The following CSTPP1 variants were observed in gnomAD, a reference collection of about 807,000 sequenced individuals.
CSTPP1 encodes UPF0705 protein C11orf49.
chr11:46,939,697 C>T, the CSTPP1 span, among the ~76,000 whole-genome samples: 2 of 151,768 alleles, frequency 1.3e-5, no homozygotes, highest in African/African-American at 4.8e-5. Flanking sequence ...TAGTGAAAAG[C>T]CTACCCCTTT....
chr11:47,049,084 C>G, the CSTPP1 span, among the ~76,000 whole-genome samples: 1 of 151,952 alleles, frequency 6.6e-6, no homozygotes, highest in African/African-American at 2.4e-5. Flanking sequence ...CTCCTAGGCT[C>G]CAGCAGTCCT....
the CSTPP1 span, chr11:47,164,263 C>T: frequency 3.4e-4 from 541 of 1,608,518 alleles, 11 homozygotes; most frequent in South Asian, 5.5e-3. Context: ...GGCCAGGGGC[C>T]GGCACTGGGC....
the CSTPP1 span, among the ~76,000 whole-genome samples, chr11:46,946,195 T>C: frequency 6.6e-6 from 1 of 152,250 alleles, no homozygotes; most frequent in African/African-American, 2.4e-5. Context: ...GGTTTTAAGA[T>C]AGCTTTAAAA....
chr11:47,044,660 C>T, the CSTPP1 span, among the ~76,000 whole-genome samples: 1 of 152,136 alleles, frequency 6.6e-6, no homozygotes, highest in African/African-American at 2.4e-5. Flanking sequence ...CAGTGACTCA[C>T]ATCTATAATT....
the CSTPP1 span, among the ~76,000 whole-genome samples, chr11:46,989,722 G>A: frequency 3.3e-5 from 5 of 151,714 alleles, no homozygotes; most frequent in African/African-American, 9.7e-5. Flanking sequence ...ACATGTGCAG[G>A]TTTGTTACAT....
At chr11:47,073,375 C>T in the CSTPP1 span, among the ~76,000 whole-genome samples, 2 of 152,052 alleles carry the variant, frequency 1.3e-5, no homozygotes, top group Non-Finnish European at 2.9e-5. Context: ...AGAGGAAGCT[C>T]TCAATGGAAG....
At chr11:47,034,319 T>A in the CSTPP1 span, among the ~76,000 whole-genome samples, 2 of 152,086 alleles carry the variant, frequency 1.3e-5, no homozygotes, top group African/African-American at 4.8e-5. Context: ...AGGGCAGTCC[T>A]AATCATAAAC....
the CSTPP1 span, among the ~76,000 whole-genome samples, chr11:47,073,396 T>A: frequency 6.6e-6 from 1 of 152,118 alleles, no homozygotes; most frequent in African/African-American, 2.4e-5. Flanking sequence ...GAAGCTTTCA[T>A]CGAAAATGAA....
At chr11:47,055,618 T>C in the CSTPP1 span, among the ~76,000 whole-genome samples, 2 of 152,328 alleles carry the variant, frequency 1.3e-5, no homozygotes, top group South Asian at 4.1e-4. Context: ...TGGGTATTAT[T>C]GTGCCCATTT....
the CSTPP1 span, among the ~76,000 whole-genome samples, chr11:46,988,638 AG>A: frequency 6.6e-5 from 10 of 152,144 alleles, no homozygotes; most frequent in Non-Finnish European, 1.5e-4. Context: ...AGAATGAAAA[AG>A]ACCTGCTATT....
At chr11:46,997,682 C>T in the CSTPP1 span, among the ~76,000 whole-genome samples, 3 of 152,202 alleles carry the variant, frequency 2.0e-5, no homozygotes, top group Non-Finnish European at 4.4e-5. Flanking sequence ...TTCTCCCCAT[C>T]TTTGTGGTTT....
the CSTPP1 span, chr11:47,159,774 GGC>G: frequency 2.2e-6 from 1 of 451,966 alleles, no homozygotes; most frequent in Non-Finnish European, 4.5e-6. Context: ...GGGAGGCCGA[GGC>G]GGCGGATCAC....
the CSTPP1 span, among the ~76,000 whole-genome samples, chr11:46,971,558 T>A: frequency 6.6e-6 from 1 of 152,348 alleles, no homozygotes; most frequent in Non-Finnish European, 1.5e-5. Context: ...ATAGCCACAT[T>A]ATTTTAAGCA....
the CSTPP1 span, among the ~76,000 whole-genome samples, chr11:46,977,077 A>C: frequency 6.6e-6 from 1 of 152,214 alleles, no homozygotes; most frequent in Non-Finnish European, 1.5e-5. Context: ...GCTCTTTCCC[A>C]TGCAGATTTG....
chr11:47,003,641 A>G, the CSTPP1 span, among the ~76,000 whole-genome samples: 2 of 152,200 alleles, frequency 1.3e-5, no homozygotes, highest in Admixed American at 6.5e-5. Flanking sequence ...CAACTATCAG[A>G]TGCAATGCTA....
chr11:47,112,286 T>C, the CSTPP1 span, among the ~76,000 whole-genome samples: 1 of 151,798 alleles, frequency 6.6e-6, no homozygotes, highest in South Asian at 2.1e-4. Flanking sequence ...TCTCTTAATT[T>C]GCCTCAGTTA....
the CSTPP1 span, among the ~76,000 whole-genome samples, chr11:47,126,298 G>T: frequency 6.6e-6 from 1 of 152,038 alleles, no homozygotes; most frequent in Non-Finnish European, 1.5e-5. Context: ...GAAAGAGATG[G>T]AATAGCTAGT....
the CSTPP1 span, among the ~76,000 whole-genome samples, chr11:47,083,048 C>A: frequency 1.3e-5 from 2 of 151,978 alleles, no homozygotes; most frequent in African/African-American, 2.4e-5. Flanking sequence ...CCTCACCCCC[C>A]AACAGGCCCC....
chr11:47,031,556 G>T, the CSTPP1 span, among the ~76,000 whole-genome samples: 1 of 152,116 alleles, frequency 6.6e-6, no homozygotes, highest in Non-Finnish European at 1.5e-5. Flanking sequence ...AAATTAGCCA[G>T]GCATGGTAGC....
Sources: gnomAD v4.1 joint callset for allele counts (sites outside exome capture counted in the v4.1 genomes callset) on GRCh38, gnomAD v4.1.1 for gene constraint, MANE v1.5 for transcripts, NCBI Gene and HGNC (gene_info 2026-07-23, HGNC 2026-07-21) for gene names.